SH3GL3: variants seen among roughly 807,000 people sequenced by gnomAD.
SH3GL3 encodes endophilin-A3.
In SH3GL3, 33 loss-of-function variants were observed where a neutral mutation model predicts 47.7. That is an observed-to-expected ratio of 0.69 (90% CI 0.52 to 0.92). SH3GL3 has a LOEUF of 0.92. SH3GL3 is among the 40% of genes least tolerant of loss of function. The probability of loss-of-function intolerance (pLI) is 0.00; values close to 1 mark genes in which losing one functional copy is unlikely to be tolerated. For missense variants in SH3GL3, 363 were observed against 417.8 expected, an observed-to-expected ratio of 0.87 and a Z score of 1.14; for synonymous variants, 155 against 148.8, an observed-to-expected ratio of 1.04 and a Z score of -0.30.
chr15:83,530,890 A>C (rs1447485511), intron 1 of SH3GL3, among the ~76,000 whole-genome samples: 1 of 152,220 alleles, frequency 6.6e-6, no homozygotes, highest in Non-Finnish European at 1.5e-5. Flanking sequence ...CCAGGAGATC[A>C]CATGGTTAGA....
chr15:83,620,099 T>G (rs1471474752), downstream of SH3GL3, among the ~76,000 whole-genome samples: 2 of 152,246 alleles, frequency 1.3e-5, no homozygotes, highest in Non-Finnish European at 2.9e-5. Flanking sequence ...TTTACGAGAT[T>G]GCAGGAATTC....
intron 1 of SH3GL3, among the ~76,000 whole-genome samples, chr15:83,510,127 A>T (rs2042687182): frequency 6.6e-6 from 1 of 151,592 alleles, no homozygotes. Context: ...ACTTTTTGTT[A>T]TTCAATGCTT....
In SH3GL3 at chr15:83,586,220, G is replaced by C. The variant is rs529246153; in HGVS notation, c.625-763G>C. Among the ~76,000 whole-genome samples the C allele has an allele frequency of 5.2e-4, 79 of 152,256 alleles. 1 individual carries two copies. The South Asian group carries it at 0.016, about 31-fold the overall frequency. On this transcript the variant is annotated intron_variant, in intron 6 of 8. Transcript: ENST00000427482. ...TCCTGTAGCAGCCCCTCAGACACGTGGGGGAGCAGGAAAGCTCTCAGGCCT... is the reference window on the plus strand; with the variant it reads ...TCCTGTAGCAGCCCCTCAGACACGTCGGGGAGCAGGAAAGCTCTCAGGCCT...
At chr15:83,629,935 A>G in the SH3GL3 span, among the ~76,000 whole-genome samples, 1 of 152,224 alleles carries the variant, frequency 6.6e-6, no homozygotes, top group African/African-American at 2.4e-5. Flanking sequence ...GCCAAATCTC[A>G]TGTTAAACTG....
At chr15:83,627,198 C>T in the SH3GL3 span, among the ~76,000 whole-genome samples, 1 of 151,986 alleles carries the variant, frequency 6.6e-6, no homozygotes, top group Non-Finnish European at 1.5e-5. Context: ...CAGACAGAGA[C>T]CATCCTGGCT....
At chr15:83,514,837 G>A (rs757549943) in intron 1 of SH3GL3, among the ~76,000 whole-genome samples, 5 of 152,060 alleles carry the variant, frequency 3.3e-5, no homozygotes, top group East Asian at 1.9e-4. Flanking sequence ...CTTGTTGGGC[G>A]TGTCAGGCTG....
In SH3GL3 at chr15:83,456,055, G is replaced by A. The variant is rs890119525; in HGVS notation, c.45+8477G>A. Among the ~76,000 whole-genome samples the A allele has an allele frequency of 6.7e-4, 58 of 86,228 alleles. 21 individuals carry two copies. The highest frequency in any genetic ancestry group is 2.2e-3 in the South Asian group (2 of 926). 56.6% of individuals were successfully genotyped at this position (86,228 alleles called of 152,430 possible). A position where few individuals can be genotyped will look rare whatever the true frequency, so the allele number is the denominator to read the frequency against. On this transcript the variant is annotated intron_variant, in intron 1 of 8. Coordinates refer to ENST00000427482, the MANE Select transcript of SH3GL3 (RefSeq NM_003027.5). Reference sequence around the variant, plus strand: ...CAGGACCCTCAGCTGCAGGTCTGTTGGAATACCCTGCCATGTGAGATGTCA... The same window carrying A: ...CAGGACCCTCAGCTGCAGGTCTGTTAGAATACCCTGCCATGTGAGATGTCA...
the SH3GL3 span, among the ~76,000 whole-genome samples, chr15:83,624,713 C>T: frequency 2.6e-5 from 4 of 152,124 alleles, no homozygotes; most frequent in Admixed American, 1.3e-4. Context: ...TGTTAAGGCT[C>T]CTTGGGAGGC....
intron 1 of SH3GL3, chr15:83,490,765 A>C: frequency 6.2e-7 from 1 of 1,609,246 alleles, no homozygotes; most frequent in Non-Finnish European, 8.5e-7. Context: ...CTTTTAAGTG[A>C]ATAAGACCAT....
intron 1 of SH3GL3, among the ~76,000 whole-genome samples, chr15:83,484,271 A>T (rs2041498522): frequency 6.6e-6 from 1 of 152,146 alleles, no homozygotes; most frequent in Non-Finnish European, 1.5e-5. Context: ...TTATGTTTGA[A>T]CCAATTTTGA....
chr15:83,561,673 A>G (rs550504100), intron 2 of SH3GL3, among the ~76,000 whole-genome samples: 1 of 152,296 alleles, frequency 6.6e-6, no homozygotes, highest in Admixed American at 6.5e-5. Context: ...AAGTGAGGCC[A>G]AGAGGGAGAA....
the SH3GL3 span, among the ~76,000 whole-genome samples, chr15:83,630,141 G>A: frequency 0.12 from 18,413 of 152,176 alleles, 1,553 homozygotes; most frequent in Admixed American, 0.25. Flanking sequence ...CCTGATTTGC[G>A]TTCCGCCGTG....
intron 1 of SH3GL3, among the ~76,000 whole-genome samples, chr15:83,495,860 T>C (rs1157050244): frequency 1.3e-5 from 2 of 152,166 alleles, no homozygotes; most frequent in Non-Finnish European, 2.9e-5. Flanking sequence ...CATCAAAGGA[T>C]TTGAACAATT....
chr15:83,517,285 A>G (rs767589309), intron 1 of SH3GL3, among the ~76,000 whole-genome samples: 4 of 151,072 alleles, frequency 2.6e-5, no homozygotes, highest in Non-Finnish European at 5.9e-5. Flanking sequence ...GCTCACTGCA[A>G]ACTCCATCTC....
At chr15:83,531,914 A>G (rs1213157063) in intron 1 of SH3GL3, among the ~76,000 whole-genome samples, 2 of 152,188 alleles carry the variant, frequency 1.3e-5, no homozygotes, top group Admixed American at 1.3e-4. Flanking sequence ...AGGGAACTCT[A>G]TGCAGCATTT....
chr15:83,547,365 A>G (rs866617596), intron 1 of SH3GL3, among the ~76,000 whole-genome samples: 2 of 152,176 alleles, frequency 1.3e-5, no homozygotes, highest in African/African-American at 4.8e-5. Flanking sequence ...CTGAGTTCCA[A>G]TGCAAATTCC....
chr15:83,490,973 C>G (rs1330909112), intron 1 of SH3GL3: 7 of 1,607,814 alleles, frequency 4.4e-6, no homozygotes, highest in Non-Finnish European at 5.9e-6. Flanking sequence ...CCATTCTCAT[C>G]AGCACAGAAG....
chr15:83,559,032 A>G (rs955227789), intron 1 of SH3GL3, among the ~76,000 whole-genome samples: 1 of 152,236 alleles, frequency 6.6e-6, no homozygotes, highest in South Asian at 2.1e-4. Context: ...TGTTTTACAC[A>G]TAGTAGGTGC....
chr15:83,491,361 C>T (rs775922820), intron 1 of SH3GL3, among the ~76,000 whole-genome samples: 26 of 152,212 alleles, frequency 1.7e-4, no homozygotes, highest in Non-Finnish European at 2.6e-4. Flanking sequence ...CTTCATTGGA[C>T]TGAATTGTCC....
Sources: gnomAD v4.1 joint callset for allele counts (sites outside exome capture counted in the v4.1 genomes callset) on GRCh38, gnomAD v4.1.1 for gene constraint, MANE v1.5 for transcripts, NCBI Gene and HGNC (gene_info 2026-07-23, HGNC 2026-07-21) for gene names.